Variants in SLC25A46 observed in about 807,000 individuals in gnomAD.
SLC25A46 encodes the protein solute carrier family 25 member 46, also known as mitochondrial outer membrane protein SLC25A46.
A neutral mutation model predicts 44.6 loss-of-function variants in SLC25A46; 39 were observed. The ratio of observed to expected loss-of-function variants is 0.87; its 90% CI spans 0.68 to 1.14. The LOEUF (loss-of-function observed/expected upper bound fraction) is 1.14, where lower values mean the gene tolerates loss of function less well. Ranked by LOEUF, SLC25A46 falls within the 50% of genes most tolerant of loss-of-function variation. SLC25A46 has a pLI of 0.00. For missense variants in SLC25A46, 547 were observed against 522.7 expected, an observed-to-expected ratio of 1.05 and a Z score of -0.45; for synonymous variants, 202 against 185.8, an observed-to-expected ratio of 1.09 and a Z score of -0.71.
intron 4 of SLC25A46, 45 bp from the exon 5 acceptor site, chr5:110,748,118 A>G: frequency 1.5e-6 from 2 of 1,321,736 alleles, no homozygotes; most frequent in South Asian, 1.2e-5. Context: ...TTTGTGTTTC[A>G]GATGTAGGTA....
intron 1 of SLC25A46, among the ~76,000 whole-genome samples, chr5:110,741,360 A>G (rs1799686718): frequency 6.6e-6 from 1 of 152,204 alleles, no homozygotes. Context: ...ACTCCAATTA[A>G]TTAAACAGCT....
At position 110,751,835 on chromosome 5, in the gene SLC25A46, G is replaced by T. The variant is rs181633007; in HGVS notation, c.563+3572G>T. The stretch of plus-strand genomic sequence containing the variant: ...TAGATCAAAGAGAAGGCAGTATGAA[G>T]AATGACTTCTTGTATTTGGGCTTGT... On this transcript the variant is annotated intron_variant, in intron 5 of 7. Coordinates refer to ENST00000355943, the MANE Select transcript of SLC25A46 (RefSeq NM_138773.4). Among the ~76,000 whole-genome samples, 26 of 152,292 alleles carry T rather than the reference G, an allele frequency of 1.7e-4. 1 individual carries two copies. The East Asian group carries it at 4.8e-3, about 28-fold the overall frequency.
At chr5:110,756,170 G>A (rs1316574762) in intron 6 of SLC25A46, 2 of 151,386 alleles carry the variant, frequency 1.3e-5, no homozygotes, top group African/African-American at 2.4e-5. Flanking sequence ...TTGCAGGCTT[G>A]CAAAGTTGTA....
rs1035502865 is a variant in SLC25A46, at chr5:110,763,421, A to G, written c.*1639A>G. ...AGTTACTGAAACACCTACATTTTCC[A>G]TTTTTAAATTCCACCAAAAGGGGGA... On this transcript the variant is annotated 3_prime_UTR_variant, in exon 8 of 8. Transcript: ENST00000355943. 2 of 151,796 alleles carry G rather than the reference A, an allele frequency of 1.3e-5. No homozygotes were observed. The highest frequency in any genetic ancestry group is 4.8e-5 in the African/African-American group (2 of 41,386). The allele number at this position is 151,796 out of a possible 1,614,324, so 9.4% of individuals were successfully genotyped here.
chr5:110,739,894 A>C (rs781170800), intron 1 of SLC25A46, among the ~76,000 whole-genome samples: 4 of 152,140 alleles, frequency 2.6e-5, no homozygotes, highest in Non-Finnish European at 5.9e-5. Context: ...TCTCATCTTT[A>C]AGATGTGTAG....
chr5:110,755,229 G>A, intron 5 of SLC25A46: 1 of 311,814 alleles, frequency 3.2e-6, no homozygotes, highest in Non-Finnish European at 5.9e-6. Flanking sequence ...TGTGCCTCTT[G>A]CTTCTCTGCC....
At position 110,763,301 on chromosome 5, in the gene SLC25A46, A is replaced by C. The variant is rs1423697659; in HGVS notation, c.*1519A>C. 2.0e-5 allele frequency: 3 copies of C among 151,894 alleles called. No homozygotes were observed. Among genetic ancestry groups the C allele is most frequent in the Non-Finnish European group, 4.4e-5 (3 of 67,872 alleles). The allele number at this position is 151,894 out of a possible 1,614,324, so 9.4% of individuals were successfully genotyped here. A position where few individuals can be genotyped will look rare whatever the true frequency, so the allele number is the denominator to read the frequency against. ...CTTGCTAAATGTCACAGAAATGGTTACTTTTTGCAAATAGTAGTGTTGGAA... is the reference window on the plus strand; with the variant it reads ...CTTGCTAAATGTCACAGAAATGGTTCCTTTTTGCAAATAGTAGTGTTGGAA... On this transcript the variant is annotated 3_prime_UTR_variant, in exon 8 of 8. Transcript: ENST00000355943.
chr5:110,746,251 G>A lies in SLC25A46; in HGVS notation c.385-18G>A, dbSNP rs200817507. 173 of 1,523,558 alleles carry A rather than the reference G, an allele frequency of 1.1e-4. 1 individual carries two copies. The African/African-American group carries it at 2.2e-3, about 19-fold the overall frequency. 94.4% of individuals were successfully genotyped at this position (1,523,558 alleles called of 1,614,324 possible). A position where few individuals can be genotyped will look rare whatever the true frequency, so the allele number is the denominator to read the frequency against. ...CAAAACATTAACAGAAAAAAATAAT[G>A]AAATATCTTTTTTACAGGTTAATTA... On this transcript the variant is annotated intron_variant, in intron 3 of 7. Coordinates refer to ENST00000355943, the MANE Select transcript of SLC25A46 (RefSeq NM_138773.4).
chr5:110,758,955 A>G (rs1180067609), intron 7 of SLC25A46, among the ~76,000 whole-genome samples: 2 of 152,164 alleles, frequency 1.3e-5, no homozygotes, highest in Admixed American at 6.5e-5. Flanking sequence ...TTCTTATTAT[A>G]GTTTTAAACC....
chr5:110,739,139 A>C lies in SLC25A46; in HGVS notation c.20A>C (p.Asp7Ala). The C allele has an allele frequency of 6.5e-7, 1 of 1,548,502 alleles. No homozygotes were observed. Among genetic ancestry groups the C allele is most frequent in the Non-Finnish European group, 8.7e-7 (1 of 1,146,702 alleles). MHPRRPDGFDGLGYRGG... is the reference protein window; with the variant it reads MHPRRPAGFDGLGYRGG... ...GCTGCGATGCATCCGCGGCGCCCGG[A>C]CGGATTTGATGGCTTGGGCTACCGG... Residue 7 changes from aspartate (D) to alanine (A), a missense_variant, in exon 1 of 8, where the codon GAC becomes GCC. Transcript: ENST00000355943.
At position 110,747,896 on chromosome 5, in the gene SLC25A46, G is replaced by C. The variant is rs982486077; in HGVS notation, c.463-267G>C. On this transcript the variant is annotated intron_variant, in intron 4 of 7. Coordinates refer to ENST00000355943, the MANE Select transcript of SLC25A46 (RefSeq NM_138773.4). Reference sequence around the variant, plus strand: ...TTCAAGTTACCTTGTGTCATCCACAGGACAGGACTAGTAGGGAGTTGAATA... The same window carrying C: ...TTCAAGTTACCTTGTGTCATCCACACGACAGGACTAGTAGGGAGTTGAATA... 3.9e-5 allele frequency among the ~76,000 whole-genome samples: 6 copies of C among 152,228 alleles called. No homozygotes were observed. In the East Asian group the frequency reaches 1.2e-3, roughly 29 times the overall value.
intron 2 of SLC25A46, 61 bp from the exon 3 acceptor site, chr5:110,743,669 C>CT: frequency 1.1e-6 from 1 of 892,040 alleles, no homozygotes; most frequent in Non-Finnish European, 1.6e-6. Context: ...AGAAAGATAC[C>CT]TGTTGTAAAT....
chr5:110,748,892 T>A (rs977616889), intron 5 of SLC25A46, among the ~76,000 whole-genome samples: 3 of 152,176 alleles, frequency 2.0e-5, no homozygotes, highest in African/African-American at 7.2e-5. Flanking sequence ...TTAAGTTTAT[T>A]CTCTATGGGT....
intron 4 of SLC25A46, 94 bp from the exon 5 acceptor site, chr5:110,748,069 T>A (rs1799866140): frequency 1.3e-6 from 1 of 760,394 alleles, no homozygotes; most frequent in Non-Finnish European, 2.2e-6. Context: ...AATGTTTTAT[T>A]GGAAAATGTC....
chr5:110,758,485 CT>C (rs2150417185), intron 7 of SLC25A46, among the ~76,000 whole-genome samples: 1 of 152,054 alleles, frequency 6.6e-6, no homozygotes, highest in South Asian at 2.1e-4. Flanking sequence ...TTCTTTCATC[CT>C]TCATAATTAC....
upstream of SLC25A46, chr5:110,738,966 C>T (rs1580848934): frequency 6.9e-7 from 1 of 1,448,168 alleles, no homozygotes; most frequent in Admixed American, 2.8e-5. Context: ...TAATCACGTG[C>T]TCCGAAGACT....
intron 3 of SLC25A46, among the ~76,000 whole-genome samples, chr5:110,744,270 T>C (rs2150409228): frequency 6.6e-6 from 1 of 152,286 alleles, no homozygotes; most frequent in Non-Finnish European, 1.5e-5. Context: ...TATATTCTTT[T>C]GAGATAATTG....
At position 110,761,180 on chromosome 5, in the gene SLC25A46, C is replaced by A; in HGVS notation, c.679-24C>A. 6.5e-7 allele frequency: 1 copy of A among 1,545,678 alleles called. No homozygotes were observed. Among genetic ancestry groups the A allele is most frequent in the South Asian group, 1.2e-5 (1 of 82,374 alleles). On this transcript the variant is annotated intron_variant, in intron 7 of 7. Transcript: ENST00000355943. This position sits in a 1 kb window ranked among gnomAD's most constrained non-coding sequence, Gnocchi z 5.3. ...CAAAATAAGCAAATGTTAAGTTTTA[C>A]TTATTTCATCATTTTTATTTCAGAG...
intron 5 of SLC25A46, among the ~76,000 whole-genome samples, chr5:110,749,225 G>A (rs1420169068): frequency 1.3e-5 from 2 of 152,042 alleles, no homozygotes; most frequent in Admixed American, 6.6e-5. Context: ...TTGGAGTAGG[G>A]AAGAAGATAA....
Sources: allele counts gnomAD v4.1 joint callset (sites outside exome capture counted in the v4.1 genomes callset), GRCh38; gene constraint gnomAD v4.1.1; non-coding constraint Gnocchi (gnomAD v3.1); transcripts MANE v1.5; gene names NCBI Gene and HGNC (gene_info 2026-07-23, HGNC 2026-07-21).